The following SLC29A3 variants were observed in gnomAD, a reference collection of about 807,000 sequenced individuals.
SLC29A3 encodes the protein solute carrier family 29 member 3.
A neutral mutation model predicts 25.4 loss-of-function variants in SLC29A3; 18 were observed. The observed-to-expected ratio is 0.71, with a 90% confidence interval of 0.49 to 1.05. The LOEUF is 1.05. SLC29A3 is among the 50% of genes least tolerant of loss of function. The pLI is 0.00. For synonymous variants in SLC29A3, 258 were observed against 267.1 expected (o/e 0.97, Z 0.33); for missense variants, 586 against 609.0 (o/e 0.96, Z 0.40).
At chr10:71,359,088 T>C (rs1299130886) in intron 5 of SLC29A3, among the ~76,000 whole-genome samples, 1 of 152,130 alleles carries the variant, frequency 6.6e-6, no homozygotes, top group Non-Finnish European at 1.5e-5. Flanking sequence ...TTTGTATTTT[T>C]TGTAGAGACA....
At chr10:71,320,912 C>G (rs183998357) in intron 1 of SLC29A3, among the ~76,000 whole-genome samples, 4 of 152,188 alleles carry the variant, frequency 2.6e-5, no homozygotes, top group African/African-American at 7.2e-5. Context: ...CAGTCCTCCC[C>G]GGTGTGCTGA....
At chr10:71,335,343 C>T (rs1266283151) in intron 2 of SLC29A3, among the ~76,000 whole-genome samples, 2 of 152,206 alleles carry the variant, frequency 1.3e-5, no homozygotes, top group East Asian at 3.9e-4. Context: ...ATCATTTCTC[C>T]AAGTGGAGCC....
Position 71,362,211 on chromosome 10 carries a change from A to C in SLC29A3, c.1031A>C (p.Lys344Thr), listed in dbSNP as rs1307457378. The C allele has an allele frequency of 6.2e-7, 1 of 1,613,898 alleles. No homozygotes were observed. The highest frequency in any genetic ancestry group is 8.5e-7 in the Non-Finnish European group (1 of 1,180,004). Reference protein sequence around the residue: ...NKGSGSLWTTKFFIPLTTFLL... With the variant: ...NKGSGSLWTTTFFIPLTTFLL... ...GGTTCGGGCTCACTGTGGACCACCA[A>C]GTTTTTCATCCCCCTCACTACCTTC... The change falls in exon 6 of 6, where the codon AAG becomes ACG. Residue 344 changes from lysine (K) to threonine (T), a missense_variant. By Grantham distance (78) the Lys-to-Thr change is moderately conservative (BLOSUM62 -1). Transcript: ENST00000373189.
intron 2 of SLC29A3, among the ~76,000 whole-genome samples, chr10:71,324,930 T>C (rs1400338321): frequency 6.6e-6 from 1 of 151,996 alleles, no homozygotes; most frequent in African/African-American, 2.4e-5. Flanking sequence ...CTGACGAAAG[T>C]TAGGTCAATG....
At chr10:71,366,170 T>G (rs540524015), downstream of SLC29A3, 2 of 152,204 alleles carry the variant, frequency 1.3e-5, no homozygotes, top group African/African-American at 4.8e-5. Context: ...TAAAAAATTT[T>G]TTATAGAGGC....
chr10:71,364,659 T>TGA (rs1364728864), downstream of SLC29A3: 1 of 152,196 alleles, frequency 6.6e-6, no homozygotes, highest in African/African-American at 2.4e-5. Context: ...CTGCAGAGGC[T>TGA]GATGAAACAG....
chr10:71,320,888 T>C (rs1845832626), intron 1 of SLC29A3, among the ~76,000 whole-genome samples: 2 of 152,212 alleles, frequency 1.3e-5, no homozygotes, highest in Admixed American at 1.3e-4. Flanking sequence ...CAGACACAGA[T>C]TCCCATTCCC....
chr10:71,344,206 C>A lies in SLC29A3; in HGVS notation c.301-3C>A. The A allele has an allele frequency of 6.2e-7, 1 of 1,613,734 alleles. No individual in the cohort carries two copies. Among genetic ancestry groups the A allele is most frequent in the Non-Finnish European group, 8.5e-7 (1 of 1,179,670 alleles). On this transcript the variant is annotated splice_polypyrimidine_tract_variant and splice_region_variant and intron_variant, in intron 2 of 5. Coordinates refer to ENST00000373189, the MANE Select transcript of SLC29A3 (RefSeq NM_018344.6). Reference sequence around the variant, plus strand: ...CAGCACCTCCTCACTTGTGTGCTTGCAGAACTACTTTGAGAGCTACCTTGC... The same window carrying A: ...CAGCACCTCCTCACTTGTGTGCTTGAAGAACTACTTTGAGAGCTACCTTGC...
chr10:71,319,332 C>A, intron 1 of SLC29A3, 22 bp downstream of exon 1: 1 of 642,674 alleles, frequency 1.6e-6, no homozygotes, highest in Admixed American at 2.4e-5. Flanking sequence ...CCGGCTCGGG[C>A]TCTTCCGGCT....
In SLC29A3 at chr10:71,329,988, G is replaced by A. The variant is rs146695386; in HGVS notation, c.300+6934G>A. Among the ~76,000 whole-genome samples the A allele has an allele frequency of 2.2e-4, 34 of 152,314 alleles. No homozygotes were observed. In the East Asian group the frequency reaches 5.8e-3, roughly 26 times the overall value. On this transcript the variant is annotated intron_variant, in intron 2 of 5. Transcript: ENST00000373189. Reference sequence around the variant, plus strand: ...CTAAGGAGTTGGCCTAGTCTACCTCGAGTGTGGGGTTCCTCATGGGACTCC... The same window carrying A: ...CTAAGGAGTTGGCCTAGTCTACCTCAAGTGTGGGGTTCCTCATGGGACTCC...
chr10:71,354,162 T>A (rs1425728844), intron 4 of SLC29A3, among the ~76,000 whole-genome samples: 1 of 152,186 alleles, frequency 6.6e-6, no homozygotes, highest in African/African-American at 2.4e-5. Flanking sequence ...TGTTTGGTAT[T>A]TGGCACTTCT....
intron 4 of SLC29A3, among the ~76,000 whole-genome samples, chr10:71,352,146 T>C (rs1846782705): frequency 6.6e-6 from 1 of 152,110 alleles, no homozygotes; most frequent in Admixed American, 6.5e-5. Flanking sequence ...CTTCCGTTCC[T>C]CTCTATGTGG....
At chr10:71,376,210 G>C (rs1158578944) in intron 4 of SLC29A3, among the ~76,000 whole-genome samples, 1 of 152,222 alleles carries the variant, frequency 6.6e-6, no homozygotes, top group African/African-American at 2.4e-5. Flanking sequence ...CTTTGATACT[G>C]ATAGAACTAT....
chr10:71,375,946 G>A (rs1004029373), intron 4 of SLC29A3: 2 of 152,196 alleles, frequency 1.3e-5, no homozygotes, highest in African/African-American at 4.8e-5. Context: ...TTAAATTGAG[G>A]GCAGAAAGCT....
rs1402296474 is a variant in SLC29A3 at position 71,363,163 on chromosome 10, A to C, written c.*555A>C. On this transcript the variant is annotated 3_prime_UTR_variant, in exon 6 of 6. Coordinates refer to ENST00000373189, the MANE Select transcript of SLC29A3 (RefSeq NM_018344.6). Reference sequence around the variant, plus strand: ...ACAACTGCCCACTAACCAGACTGGAAAACCCAGAAAGATGGGCCTTCCATG... The same window carrying C: ...ACAACTGCCCACTAACCAGACTGGACAACCCAGAAAGATGGGCCTTCCATG... The C allele has an allele frequency of 6.8e-6, 3 of 443,288 alleles. No individual in the cohort carries two copies. Among genetic ancestry groups the C allele is most frequent in the Non-Finnish European group, 1.4e-5 (3 of 221,464 alleles). 27.5% of individuals were successfully genotyped at this position (443,288 alleles called of 1,614,324 possible).
chr10:71,320,333 A>G (rs1439990584), intron 1 of SLC29A3, among the ~76,000 whole-genome samples: 1 of 152,228 alleles, frequency 6.6e-6, no homozygotes, highest in African/African-American at 2.4e-5. Context: ...TTTAAAATGT[A>G]ACAAGTGAGC....
chr10:71,365,034 G>A (rs916294281), downstream of SLC29A3: 1 of 152,056 alleles, frequency 6.6e-6, no homozygotes, highest in African/African-American at 2.4e-5. Flanking sequence ...TTCGAGACCA[G>A]CCTGACCAAC....
chr10:71,370,198 C>T (rs566295064), intron 3 of SLC29A3, among the ~76,000 whole-genome samples: 1 of 152,358 alleles, frequency 6.6e-6, no homozygotes, highest in Non-Finnish European at 1.5e-5. Context: ...CCATCTGGAT[C>T]TCAGGTGCCA....
intron 2 of SLC29A3, among the ~76,000 whole-genome samples, chr10:71,334,987 G>T (rs1846209983): frequency 7.7e-6 from 1 of 130,360 alleles, no homozygotes; most frequent in African/African-American, 3.0e-5. Context: ...TCCCTCCCTA[G>T]AACACTGGCA....
Sources: allele counts gnomAD v4.1 joint callset (sites outside exome capture counted in the v4.1 genomes callset), GRCh38; gene constraint gnomAD v4.1.1; transcripts MANE v1.5; gene names NCBI Gene and HGNC (gene_info 2026-07-23, HGNC 2026-07-21).